MARCHF10: variants seen among roughly 807,000 people sequenced by gnomAD.
The protein encoded by MARCHF10 is membrane associated ring-CH-type finger 10, also known as probable E3 ubiquitin-protein ligase MARCHF10.
MARCHF10 carries 64 observed loss-of-function variants against 76.2 expected under a neutral mutation model. The ratio of observed to expected loss-of-function variants is 0.84; its 90% CI spans 0.69 to 1.03. The LOEUF is 1.03. Among genes scored for constraint, MARCHF10 ranks in the 50% least tolerant of loss-of-function variants. MARCHF10 has a pLI of 0.00. For synonymous variants in MARCHF10, 340 were observed against 357.5 expected (o/e 0.95, Z 0.55); for missense variants, 875 against 958.0 (o/e 0.91, Z 1.14).
intron 6 of MARCHF10, among the ~76,000 whole-genome samples, chr17:62,728,969 TC>T (rs2090888991): frequency 6.6e-6 from 1 of 152,190 alleles, no homozygotes; most frequent in South Asian, 2.1e-4. Flanking sequence ...GGGGTCTCAC[TC>T]TATTGTCCAG....
intron 4 of MARCHF10, among the ~76,000 whole-genome samples, chr17:62,746,247 G>A (rs16946373): frequency 0.013 from 1,999 of 152,304 alleles, 50 homozygotes; most frequent in African/African-American, 0.046. Context: ...ATCATGCCCC[G>A]CAGGGAACTT....
At chr17:62,773,419 A>C (rs1213038356) in intron 3 of MARCHF10, among the ~76,000 whole-genome samples, 1 of 152,204 alleles carries the variant, frequency 6.6e-6, no homozygotes, top group Non-Finnish European at 1.5e-5. Context: ...GAGTGGGCTG[A>C]GGAGTGAGTA....
At chr17:62,790,059 A>C (rs1271248094) in intron 2 of MARCHF10, among the ~76,000 whole-genome samples, 1 of 152,254 alleles carries the variant, frequency 6.6e-6, no homozygotes, top group African/African-American at 2.4e-5. Flanking sequence ...TTCTTAACAA[A>C]ATTAAAATAA....
rs144208969 is a variant in MARCHF10, at chr17:62,740,445, C to CT, written c.536-3114dup. Among the ~76,000 whole-genome samples, 497 of 152,228 alleles carry CT rather than the reference C, an allele frequency of 3.3e-3. 4 individuals are homozygous for CT. The highest frequency in any genetic ancestry group is 0.011 in the African/African-American group (474 of 41,550). On this transcript the variant is annotated intron_variant, in intron 5 of 10. Coordinates refer to ENST00000311269, the MANE Select transcript of MARCHF10 (RefSeq NM_152598.4). The stretch of plus-strand genomic sequence containing the variant: ...CATTCCAACAGCCACACACTTTTAA[C>CT]TTTTTTCCCTCTGGTTATAAAAGTG...
chr17:62,724,186 A>ATT (rs11462196), intron 7 of MARCHF10, among the ~76,000 whole-genome samples: 2,164 of 138,280 alleles, frequency 0.016, 27 homozygotes, highest in African/African-American at 0.022. Context: ...TGTTCCATGC[A>ATT]TTTTTTTTTT....
At chr17:62,745,601 A>C (rs1046992821) in intron 4 of MARCHF10, among the ~76,000 whole-genome samples, 1 of 152,214 alleles carries the variant, frequency 6.6e-6, no homozygotes, top group Non-Finnish European at 1.5e-5. Context: ...CCGTACAGAA[A>C]GGTTGCAAGC....
intron 1 of MARCHF10, 29 bp from the exon 2 acceptor site, chr17:62,801,781 GT>G (rs1194693874): frequency 6.7e-7 from 1 of 1,492,820 alleles, no homozygotes. Flanking sequence ...CAAATGTGCT[GT>G]GTTAGAGTCC....
At chr17:62,763,785 A>G (rs553918530) in intron 3 of MARCHF10, among the ~76,000 whole-genome samples, 1 of 152,340 alleles carries the variant, frequency 6.6e-6, no homozygotes, top group East Asian at 1.9e-4. Context: ...CTCTGCTGAG[A>G]ATCTGATGAA....
At chr17:62,758,867 C>A (rs1278625926) in intron 4 of MARCHF10, among the ~76,000 whole-genome samples, 2 of 152,220 alleles carry the variant, frequency 1.3e-5, no homozygotes, top group African/African-American at 2.4e-5. Context: ...TGCCTAGTTA[C>A]TCCAACTTAA....
At chr17:62,766,092 A>G (rs867620271) in intron 3 of MARCHF10, among the ~76,000 whole-genome samples, 10 of 152,140 alleles carry the variant, frequency 6.6e-5, no homozygotes, top group Admixed American at 2.0e-4. Context: ...GCTACTCAGG[A>G]GGCTGAGGCA....
chr17:62,704,267 G>A (rs1445410148), intron 10 of MARCHF10, among the ~76,000 whole-genome samples: 8 of 151,924 alleles, frequency 5.3e-5, no homozygotes, highest in Non-Finnish European at 1.0e-4. Context: ...GCGTGCGCCC[G>A]CGACACAAAG....
chr17:62,721,188 G>T (rs1377668331), intron 8 of MARCHF10, among the ~76,000 whole-genome samples: 2 of 152,068 alleles, frequency 1.3e-5, no homozygotes, highest in African/African-American at 4.8e-5. Context: ...GCAGTGATTT[G>T]CTCTGTGACT....
Position 62,759,717 on chromosome 17 carries a change from G to A in MARCHF10, c.382+118C>T, listed in dbSNP as rs540870752. ...GACTCCTGACCTCAAGTGATCCGCC[G>A]GCCTCAGCCTCTCAAAGTGCTGGGA... On this transcript the variant is annotated intron_variant, in intron 4 of 10. Coordinates refer to ENST00000311269, the MANE Select transcript of MARCHF10 (RefSeq NM_152598.4). The A allele has an allele frequency of 1.5e-4, 150 of 993,672 alleles. No homozygotes were observed. The African/African-American group carries it at 1.7e-3, about 11-fold the overall frequency. The allele number at this position is 993,672 out of a possible 1,614,324, so 61.6% of individuals were successfully genotyped here. A position where few individuals can be genotyped will look rare whatever the true frequency, so the allele number is the denominator to read the frequency against.
At chr17:62,770,920 A>G (rs2092433906) in intron 3 of MARCHF10, among the ~76,000 whole-genome samples, 1 of 132,014 alleles carries the variant, frequency 7.6e-6, no homozygotes, top group South Asian at 2.4e-4. Context: ...CAGTGGCATG[A>G]TCTTGGCTCA....
intron 1 of MARCHF10, among the ~76,000 whole-genome samples, chr17:62,806,186 C>G (rs1007787957): frequency 3.3e-5 from 5 of 152,150 alleles, no homozygotes; most frequent in Non-Finnish European, 7.3e-5. Flanking sequence ...TCATACTGCA[C>G]TCAGTCAGTT....
At chr17:62,795,356 CAAAAAAAAA>C (rs61564298) in intron 2 of MARCHF10, among the ~76,000 whole-genome samples, 11 of 52,946 alleles carry the variant, frequency 2.1e-4, no homozygotes, top group South Asian at 9.3e-4. Context: ...ATCATTTGAT[CAAAAAAAAA>C]AAAAAAAAAA....
intron 4 of MARCHF10, among the ~76,000 whole-genome samples, chr17:62,752,506 T>C (rs1228580691): frequency 6.6e-6 from 1 of 152,290 alleles, no homozygotes; most frequent in Non-Finnish European, 1.5e-5. Context: ...CTGACCTAGT[T>C]TCCTGGGCCA....
chr17:62,794,731 G>A (rs571862043), intron 2 of MARCHF10, among the ~76,000 whole-genome samples: 1 of 152,256 alleles, frequency 6.6e-6, no homozygotes, highest in Non-Finnish European at 1.5e-5. Flanking sequence ...TCAGAACCAC[G>A]ACCCGACTTT....
chr17:62,757,430 G>A (rs953418952), intron 4 of MARCHF10, among the ~76,000 whole-genome samples: 1 of 152,270 alleles, frequency 6.6e-6, no homozygotes. Context: ...TTCTGTAACA[G>A]CAGAAAACTG....
Sources: gnomAD v4.1 joint callset for allele counts (sites outside exome capture counted in the v4.1 genomes callset) on GRCh38, gnomAD v4.1.1 for gene constraint, MANE v1.5 for transcripts, NCBI Gene and HGNC (gene_info 2026-07-23, HGNC 2026-07-21) for gene names.